The following CEP120 variants were observed in gnomAD, a reference collection of about 807,000 sequenced individuals.
CEP120 encodes centrosomal protein of 120 kDa.
A neutral mutation model predicts 126.5 loss-of-function variants in CEP120; 113 were observed. The ratio of observed to expected loss-of-function variants is 0.89; its 90% CI spans 0.77 to 1.04. The LOEUF (loss-of-function observed/expected upper bound fraction) is 1.04. CEP120 is among the 50% of genes least tolerant of loss of function. CEP120 has a pLI of 0.00. For synonymous variants in CEP120, 400 were observed against 394.3 expected, an observed-to-expected ratio of 1.01 and a Z score of -0.17; for missense variants, 1,230 against 1,155.7, an observed-to-expected ratio of 1.06 and a Z score of -0.93.
intron 18 of CEP120, 96 bp from the exon 19 acceptor site, chr5:123,350,185 C>G (rs566247026): frequency 4.5e-6 from 5 of 1,115,884 alleles, no homozygotes; most frequent in Admixed American, 5.1e-5. Context: ...TTGACAACAC[C>G]CATGATATAG....
chr5:123,422,514 A>C (rs1171594853), intron 1 of CEP120: 18 of 1,535,486 alleles, frequency 1.2e-5, no homozygotes, highest in Non-Finnish European at 1.6e-5. Flanking sequence ...TAGTCCCCTG[A>C]GTCCTCCAGC....
At chr5:123,401,007 CG>C (rs1773182769) in intron 4 of CEP120, 1 of 1,553,464 alleles carries the variant, frequency 6.4e-7, no homozygotes, top group Non-Finnish European at 8.8e-7. Context: ...GTAGCTGGTG[CG>C]GCTGAAGGAG....
rs182286291 is a variant in CEP120 at position 123,400,140 on chromosome 5, C to T, written c.464-856G>A. Among the ~76,000 whole-genome samples, 543 of 152,204 alleles carry T rather than the reference C, an allele frequency of 3.6e-3. 1 individual carries two copies. The highest frequency in any genetic ancestry group is 5.3e-3 in the Non-Finnish European group (358 of 68,004). On this transcript the variant is annotated intron_variant, in intron 4 of 19. Transcript: ENST00000306467. ...AGCAATCCTTCTTCTAGGAGTTAAT[C>T]CTAAAGAGTTGTGCTTACAGTAGCA...
In CEP120 at chr5:123,388,486, T is replaced by A; in HGVS notation, c.1376A>T (p.Asp459Val). 2 of 1,608,190 alleles carry A rather than the reference T, an allele frequency of 1.2e-6. No homozygotes were observed. The highest frequency in any genetic ancestry group is 1.7e-6 in the Non-Finnish European group (2 of 1,177,992). ...ATSHHFCFSIDLRSIHALEIG... is the reference protein window; with the variant it reads ...ATSHHFCFSIVLRSIHALEIG... Reference sequence around the variant, plus strand: ...CTCCAAGGCATGTATACTCCTTAAGTCTATTGAAAAGCAAAAATGATGTGA... The same window carrying A: ...CTCCAAGGCATGTATACTCCTTAAGACTATTGAAAAGCAAAAATGATGTGA... Residue 459 changes from aspartate (D) to valine (V), a missense_variant, in exon 9 of 20, where the codon GAC becomes GTC. Asp to Val is a radical substitution (Grantham distance 152, BLOSUM62 -3). Transcript: ENST00000306467.
chr5:123,364,947 A>G (rs1304821781), intron 17 of CEP120, among the ~76,000 whole-genome samples: 2 of 151,700 alleles, frequency 1.3e-5, no homozygotes, highest in East Asian at 3.9e-4. Flanking sequence ...TAACATTCCA[A>G]TTTAGCTGTA....
chr5:123,405,275 C>A (rs1773566134), intron 4 of CEP120, among the ~76,000 whole-genome samples: 1 of 114 alleles, frequency 8.8e-3, no homozygotes, highest in South Asian at 0.5. Context: ...GATAAAAACT[C>A]CAGGGGACCC....
intron 14 of CEP120, among the ~76,000 whole-genome samples, chr5:123,379,193 C>T (rs935295126): frequency 1.3e-5 from 2 of 152,020 alleles, no homozygotes; most frequent in Non-Finnish European, 2.9e-5. Flanking sequence ...GGATTGTGAG[C>T]AGCCGTGAGG....
chr5:123,415,773 A>G (rs1371039800), intron 3 of CEP120, among the ~76,000 whole-genome samples: 5 of 152,284 alleles, frequency 3.3e-5, no homozygotes, highest in Admixed American at 3.3e-4. Flanking sequence ...CAGGAGGCTA[A>G]GGCAGGGAGA....
intron 19 of CEP120, among the ~76,000 whole-genome samples, chr5:123,347,841 C>T (rs561645704): frequency 1.1e-4 from 17 of 152,098 alleles, no homozygotes; most frequent in Non-Finnish European, 1.5e-4. Context: ...TTTTTAGAGA[C>T]GACATTTCAT....
In CEP120 at chr5:123,401,344, G is replaced by A. The variant is rs146113515; in HGVS notation, c.464-2060C>T. ...CACACTGCTCGGCATCTGCAATGGC[G>A]GCCTCCAGGAAAGCCCTCTGGCCTT... is the stretch of plus-strand genomic sequence containing the variant. On this transcript the variant is annotated intron_variant, in intron 4 of 19. Transcript: ENST00000306467. 9.8e-4 allele frequency: 1,561 copies of A among 1,597,062 alleles called. 2 individuals carry two copies. The highest frequency in any genetic ancestry group is 1.2e-3 in the Non-Finnish European group (1,353 of 1,165,336).
chr5:123,395,796 C>T (rs1320677849), intron 5 of CEP120, among the ~76,000 whole-genome samples: 1 of 151,714 alleles, frequency 6.6e-6, no homozygotes, highest in Admixed American at 6.6e-5. Flanking sequence ...ATTCTCCTGC[C>T]TCAGCCTCCC....
At chr5:123,375,511 T>C (rs890726530) in intron 16 of CEP120, among the ~76,000 whole-genome samples, 4 of 151,870 alleles carry the variant, frequency 2.6e-5, no homozygotes, top group Admixed American at 6.6e-5. Flanking sequence ...TTTGAAGAGA[T>C]GCAGTTTTGC....
At chr5:123,356,421 A>G (rs1561997230) in intron 18 of CEP120, among the ~76,000 whole-genome samples, 1 of 152,084 alleles carries the variant, frequency 6.6e-6, no homozygotes, top group Non-Finnish European at 1.5e-5. Flanking sequence ...CTATGTTCTT[A>G]TATTTAAGGT....
chr5:123,354,141 C>A (rs967517282), intron 18 of CEP120, among the ~76,000 whole-genome samples: 2 of 152,036 alleles, frequency 1.3e-5, no homozygotes, highest in African/African-American at 2.4e-5. Context: ...AAAGTATTTT[C>A]TAATTTTACT....
intron 18 of CEP120, among the ~76,000 whole-genome samples, chr5:123,363,422 C>T (rs977883857): frequency 3.3e-5 from 5 of 151,732 alleles, no homozygotes; most frequent in African/African-American, 9.6e-5. Context: ...CATATATTTA[C>T]ACCTGGTATA....
chr5:123,354,501 T>TATCA (rs1301363877), intron 18 of CEP120, among the ~76,000 whole-genome samples: 2 of 152,140 alleles, frequency 1.3e-5, no homozygotes, highest in Admixed American at 6.6e-5. Flanking sequence ...TAAAATCTTC[T>TATCA]ATCATTATAG....
At chr5:123,412,259 G>A in intron 4 of CEP120, 140 bp downstream of exon 4, 3 of 682,598 alleles carry the variant, frequency 4.4e-6, no homozygotes, top group Non-Finnish European at 6.9e-6. Flanking sequence ...AACAAGTGCT[G>A]CATGTGTAAC....
chr5:123,346,846 GT>G, intron 19 of CEP120, 93 bp from the exon 20 acceptor site: 2 of 921,240 alleles, frequency 2.2e-6, no homozygotes, highest in Admixed American at 2.9e-5. Flanking sequence ...GTAAGACAAG[GT>G]TTTAGTAATA....
intron 14 of CEP120, among the ~76,000 whole-genome samples, chr5:123,380,864 C>G (rs988464218): frequency 1.3e-5 from 2 of 152,122 alleles, no homozygotes; most frequent in African/African-American, 4.8e-5. Context: ...CACTTAATAA[C>G]AGGATAACTC....
Sources: gnomAD v4.1 joint callset for allele counts (sites outside exome capture counted in the v4.1 genomes callset) on GRCh38, gnomAD v4.1.1 for gene constraint, MANE v1.5 for transcripts, NCBI Gene and HGNC (gene_info 2026-07-23, HGNC 2026-07-21) for gene names.